Variants in GALNT13 observed in about 807,000 individuals in gnomAD.
GALNT13 encodes the protein polypeptide N-acetylgalactosaminyltransferase 13, also known as UDP-GalNAc:polypeptide N-acetylgalactosaminyltransferase 13.
GALNT13 carries 28 observed loss-of-function variants against 64.2 expected under a neutral mutation model. The ratio of observed to expected loss-of-function variants is 0.44; its 90% CI spans 0.32 to 0.60. The LOEUF (loss-of-function observed/expected upper bound fraction) is 0.60. Ranked by LOEUF, GALNT13 falls within the 20% of genes least tolerant of loss-of-function variation. GALNT13 has a pLI of 0.05. For missense variants in GALNT13, 577 were observed against 669.8 expected (o/e 0.86, Z 1.53); for synonymous variants, 214 against 224.6 (o/e 0.95, Z 0.42).
intron 4 of GALNT13, among the ~76,000 whole-genome samples, chr2:154,166,195 G>C (rs1365135853): frequency 6.6e-6 from 1 of 151,984 alleles, no homozygotes; most frequent in Non-Finnish European, 1.5e-5. Flanking sequence ...ACCTGAGTTC[G>C]GGAGTTTGAG....
chr2:153,138,331 A>G, the GALNT13 span, among the ~76,000 whole-genome samples: 9 of 152,164 alleles, frequency 5.9e-5, no homozygotes, highest in African/African-American at 1.9e-4. Context: ...ACTTCACTTT[A>G]TACCTCCGAG....
At chr2:154,101,128 T>C (rs1322545996) in intron 3 of GALNT13, among the ~76,000 whole-genome samples, 1 of 151,654 alleles carries the variant, frequency 6.6e-6, no homozygotes, top group Non-Finnish European at 1.5e-5. Flanking sequence ...TGAGGATTTT[T>C]GCATCTGTGT....
intron 2 of GALNT13, among the ~76,000 whole-genome samples, chr2:153,904,703 A>T (rs1267806638): frequency 2.0e-5 from 3 of 151,886 alleles, no homozygotes; most frequent in Admixed American, 2.0e-4. Flanking sequence ...CCCATCAGTT[A>T]AATATGCTGC....
At chr2:153,117,946 C>T in the GALNT13 span, among the ~76,000 whole-genome samples, 22 of 152,224 alleles carry the variant, frequency 1.4e-4, no homozygotes, top group South Asian at 4.2e-3. Context: ...TGTCATTGTT[C>T]TTAGTCCCTA....
the GALNT13 span, among the ~76,000 whole-genome samples, chr2:153,212,260 G>C: frequency 1.3e-5 from 2 of 152,010 alleles, no homozygotes; most frequent in Non-Finnish European, 2.9e-5. Context: ...ATCTAATCTA[G>C]AAAGGAGAAG....
intron 9 of GALNT13, among the ~76,000 whole-genome samples, chr2:154,361,253 A>G (rs781734465): frequency 3.9e-5 from 6 of 152,142 alleles, no homozygotes; most frequent in Non-Finnish European, 7.4e-5. Flanking sequence ...ATGTATCCAT[A>G]TACGGTTTAT....
chr2:154,374,971 A>G (rs905020864), intron 9 of GALNT13, among the ~76,000 whole-genome samples: 1 of 152,258 alleles, frequency 6.6e-6, no homozygotes, highest in East Asian at 1.9e-4. Flanking sequence ...AATATAATCT[A>G]TAGTTTTTCA....
chr2:153,541,429 TC>T, the GALNT13 span, among the ~76,000 whole-genome samples: 1 of 152,170 alleles, frequency 6.6e-6, no homozygotes, highest in Non-Finnish European at 1.5e-5. Context: ...ACTGACTTTC[TC>T]TTGCCCTCCT....
the GALNT13 span, among the ~76,000 whole-genome samples, chr2:153,232,128 A>G: frequency 6.6e-6 from 1 of 152,216 alleles, no homozygotes; most frequent in African/African-American, 2.4e-5. Context: ...ATCAATTTCT[A>G]TGCAACACAA....
At chr2:153,986,468 G>T (rs1694806581) in intron 3 of GALNT13, among the ~76,000 whole-genome samples, 1 of 151,964 alleles carries the variant, frequency 6.6e-6, no homozygotes, top group Admixed American at 6.6e-5. Context: ...ACTGGGATTT[G>T]ATAGTTATGC....
At chr2:153,156,771 G>A in the GALNT13 span, among the ~76,000 whole-genome samples, 6 of 152,182 alleles carry the variant, frequency 3.9e-5, no homozygotes, top group Admixed American at 1.3e-4. Context: ...GCATGATGCA[G>A]CTCTACTGCA....
chr2:153,164,196 G>C, the GALNT13 span, among the ~76,000 whole-genome samples: 1 of 151,928 alleles, frequency 6.6e-6, no homozygotes, highest in African/African-American at 2.4e-5. Context: ...CTGGAGGCTA[G>C]AAAATAAAAA....
the GALNT13 span, among the ~76,000 whole-genome samples, chr2:153,147,605 AC>A: frequency 6.6e-5 from 10 of 150,780 alleles, no homozygotes; most frequent in Admixed American, 6.6e-4. Flanking sequence ...ATTAGAACCA[AC>A]TCCTAGAGAT....
intron 4 of GALNT13, among the ~76,000 whole-genome samples, chr2:154,209,069 G>T (rs1390263046): frequency 6.6e-6 from 1 of 151,738 alleles, no homozygotes; most frequent in Admixed American, 6.6e-5. Context: ...CTCATCTTCA[G>T]TGTTTTTGGT....
chr2:153,498,696 G>A, the GALNT13 span, among the ~76,000 whole-genome samples: 16,740 of 152,270 alleles, frequency 0.11, 1,215 homozygotes, highest in South Asian at 0.24. Context: ...TCACAGCCCT[G>A]GCTCGGGGAA....
chr2:153,704,500 T>G, the GALNT13 span, among the ~76,000 whole-genome samples: 1 of 152,200 alleles, frequency 6.6e-6, no homozygotes, highest in Admixed American at 6.5e-5. Context: ...TACTTCTCTC[T>G]CAATGCACAA....
intron 11 of GALNT13, chr2:154,409,480 T>G: frequency 4.5e-6 from 1 of 221,358 alleles, no homozygotes. Flanking sequence ...GTTATGATTT[T>G]TAAGAGCTTT....
the GALNT13 span, among the ~76,000 whole-genome samples, chr2:153,825,712 T>G: frequency 6.6e-6 from 1 of 151,030 alleles, no homozygotes; most frequent in Admixed American, 6.6e-5. Flanking sequence ...AGGCAATTAA[T>G]CCCTATATCC....
intron 3 of GALNT13, among the ~76,000 whole-genome samples, chr2:154,024,614 T>C (rs1416484320): frequency 3.3e-5 from 5 of 152,134 alleles, no homozygotes; most frequent in Non-Finnish European, 7.3e-5. Context: ...TTCAAAGCTT[T>C]TAACTTCTTT....
Sources: allele counts gnomAD v4.1 joint callset (sites outside exome capture counted in the v4.1 genomes callset), GRCh38; gene constraint gnomAD v4.1.1; transcripts MANE v1.5; gene names NCBI Gene and HGNC (gene_info 2026-07-23, HGNC 2026-07-21).